Variants in NSD1 observed in about 807,000 individuals in gnomAD.
The protein encoded by NSD1 is histone-lysine N-methyltransferase, H3 lysine-36 specific.
In NSD1, 26 loss-of-function variants were observed where a neutral mutation model predicts 242.7. The observed-to-expected ratio is 0.11, with a 90% CI of 0.08 to 0.15. The LOEUF (loss-of-function observed/expected upper bound fraction) is 0.15. NSD1 is among the 10% of genes least tolerant of loss of function. The pLI is 1.00. For synonymous variants in NSD1, 1,106 were observed against 1,178.1 expected (o/e 0.94, Z 1.25); for missense variants, 2,495 against 3,272.8 (o/e 0.76, Z 5.80).
At position 177,216,750 on chromosome 5, in the gene NSD1, G is replaced by A. The variant is rs1429377201; in HGVS notation, c.3796+4555G>A. 4.0e-5 allele frequency among the ~76,000 whole-genome samples: 6 copies of A among 148,724 alleles called. No individual in the cohort carries two copies. In the East Asian group the frequency reaches 1.2e-3, roughly 29 times the overall value. ...TTGCCCAGGCTGTTCTTGAATTCCT[G>A]GGCTCAAGTGATCCTCCTGCCTCAG... is the stretch of plus-strand genomic sequence containing the variant. On this transcript the variant is annotated intron_variant, in intron 5 of 22. Coordinates refer to ENST00000439151, the MANE Select transcript of NSD1 (RefSeq NM_022455.5).
chr5:177,254,547 G>GC (rs916422647), intron 12 of NSD1, among the ~76,000 whole-genome samples: 79 of 152,146 alleles, frequency 5.2e-4, no homozygotes, highest in Admixed American at 1.6e-3. Context: ...TACCAGGCGT[G>GC]CACCACCATG....
At chr5:177,202,600 A>G (rs1009666436) in intron 3 of NSD1, among the ~76,000 whole-genome samples, 1 of 152,032 alleles carries the variant, frequency 6.6e-6, no homozygotes, top group African/African-American at 2.4e-5. Context: ...GCTGGTCTCG[A>G]ACTCCTGGGC....
chr5:177,256,942 G>T lies in NSD1; in HGVS notation c.4766-9G>T, dbSNP rs747358179. The T allele has an allele frequency of 1.9e-6, 3 of 1,610,842 alleles. No homozygotes were observed. In the Admixed American group the frequency reaches 5.0e-5, roughly 27 times the overall value. ...ATTCTTACTAATTTATCTTCTTTTG[G>T]CTTCTCAGGAATCCATACCTGTTTT... is the stretch of plus-strand genomic sequence containing the variant. On this transcript the variant is annotated splice_polypyrimidine_tract_variant and intron_variant, in intron 12 of 22. Transcript: ENST00000439151.
At chr5:177,175,813 T>A (rs1760144709) in intron 2 of NSD1, among the ~76,000 whole-genome samples, 1 of 152,206 alleles carries the variant, frequency 6.6e-6, no homozygotes, top group Admixed American at 6.6e-5. Context: ...AAGTGATAGA[T>A]ACATCCTGTT....
intron 2 of NSD1, among the ~76,000 whole-genome samples, chr5:177,152,734 G>C (rs1757829810): frequency 6.6e-6 from 1 of 151,664 alleles, no homozygotes; most frequent in African/African-American, 2.4e-5. Context: ...AAAGTGCTGG[G>C]ATTACAGGCG....
At chr5:177,217,663 ATTCT>A (rs1211447761) in intron 5 of NSD1, among the ~76,000 whole-genome samples, 2 of 124,682 alleles carry the variant, frequency 1.6e-5, no homozygotes, top group African/African-American at 6.8e-5. Flanking sequence ...ACAGCGTCAC[ATTCT>A]TTTTTTTTTT....
intron 2 of NSD1, among the ~76,000 whole-genome samples, chr5:177,159,054 A>ATATAT (rs1562132770): frequency 2.3e-5 from 3 of 130,846 alleles, no homozygotes; most frequent in African/African-American, 1.1e-4. Context: ...TATATGAATG[A>ATATAT]ATGAATGAGA....
Position 177,242,758 on chromosome 5 carries a change from A to G in NSD1, c.4303-1437A>G, listed in dbSNP as rs554086841. 2.0e-5 allele frequency among the ~76,000 whole-genome samples: 3 copies of G among 152,118 alleles called. No individual in the cohort carries two copies. In the East Asian group the frequency reaches 5.8e-4, roughly 29 times the overall value. The stretch of plus-strand genomic sequence containing the variant: ...TAGTCGGGCTGGTCTCGAACTCCCG[A>G]CCTCAGGTGATCCGCCTGCCTCGGC... On this transcript the variant is annotated intron_variant, in intron 8 of 22. Transcript: ENST00000439151.
chr5:177,185,892 T>G (rs1324686740), intron 2 of NSD1, among the ~76,000 whole-genome samples: 5 of 81,578 alleles, frequency 6.1e-5, no homozygotes, highest in Non-Finnish European at 1.0e-4. Context: ...ATATAATATA[T>G]TTATATATTT....
In NSD1 at chr5:177,134,575, T is replaced by G. The variant is rs930471146; in HGVS notation, c.-17-512T>G. Among the ~76,000 whole-genome samples, 3 of 152,178 alleles carry G rather than the reference T, an allele frequency of 2.0e-5. No homozygotes were observed. The highest frequency in any genetic ancestry group is 7.2e-5 in the African/African-American group (3 of 41,468). On this transcript the variant is annotated intron_variant, in intron 1 of 22. Coordinates refer to ENST00000439151, the MANE Select transcript of NSD1 (RefSeq NM_022455.5). The surrounding 1 kb of genome is among the most constrained non-coding windows in gnomAD (Gnocchi z 4.2). ...CGCCTCGGCCGGCTCGCCTGCGGCC[T>G]GCGCACCGCCGCTGCAAAGGCTCCG...
At chr5:177,180,928 G>A (rs562891322) in intron 2 of NSD1, among the ~76,000 whole-genome samples, 5 of 151,836 alleles carry the variant, frequency 3.3e-5, no homozygotes, top group South Asian at 2.1e-4. Flanking sequence ...TGATCCACCC[G>A]CCTCGGCCTC....
intron 12 of NSD1, among the ~76,000 whole-genome samples, chr5:177,254,958 TTAG>T (rs2149909346): frequency 6.6e-6 from 1 of 152,282 alleles, no homozygotes; most frequent in East Asian, 1.9e-4. Context: ...GAGTCACTTA[TTAG>T]TGCTCTTGGC....
chr5:177,245,554 A>T (rs1766209889), intron 9 of NSD1, among the ~76,000 whole-genome samples: 1 of 152,124 alleles, frequency 6.6e-6, no homozygotes, highest in South Asian at 2.1e-4. Context: ...AATACCTCTT[A>T]GATTCCTCTT....
intron 12 of NSD1, 65 bp downstream of exon 12, chr5:177,251,918 C>T (rs878873724): frequency 1.8e-5 from 28 of 1,599,184 alleles, no homozygotes; most frequent in Non-Finnish European, 2.2e-5. Flanking sequence ...TCAGGAAAGA[C>T]ATTTATTGGA....
chr5:177,177,418 G>C (rs1760296978), intron 2 of NSD1, among the ~76,000 whole-genome samples: 1 of 152,098 alleles, frequency 6.6e-6, no homozygotes, highest in Non-Finnish European at 1.5e-5. Context: ...GCTGAGGCAG[G>C]AGAATCGCTT....
intron 2 of NSD1, among the ~76,000 whole-genome samples, chr5:177,176,137 AAGTGC>A (rs1317331525): frequency 7.2e-5 from 11 of 152,194 alleles, no homozygotes; most frequent in Non-Finnish European, 1.3e-4. Context: ...CGGCCTCCCA[AAGTGC>A]TGGGATTGCA....
chr5:177,264,661 C>CA, intron 14 of NSD1: 1 of 466,896 alleles, frequency 2.1e-6, no homozygotes, highest in East Asian at 4.7e-5. Context: ...CTGGCCCCAA[C>CA]AAAAACAAAT....
At position 177,133,936 on chromosome 5, in the gene NSD1, A is replaced by C. The variant is rs1399906214; in HGVS notation, c.-34A>C. 8.8e-6 allele frequency: 1 copy of C among 113,278 alleles called. No homozygotes were observed. The highest frequency in any genetic ancestry group is 1.8e-5 in the Non-Finnish European group (1 of 54,364). 7.0% of individuals were successfully genotyped at this position (113,278 alleles called of 1,614,324 possible). ...ACCCCCTCCCCCCAGCTGGCCCGGG[A>C]GGGGGCGCGGGGCACGGTAACTAGT... is the stretch of plus-strand genomic sequence containing the variant. On this transcript the variant is annotated 5_prime_UTR_variant, in exon 1 of 23. Coordinates refer to ENST00000439151, the MANE Select transcript of NSD1 (RefSeq NM_022455.5). The surrounding 1 kb of genome is among the most constrained non-coding windows in gnomAD (Gnocchi z 6.2).
chr5:177,132,432 C>T (rs1258911322), upstream of NSD1, among the ~76,000 whole-genome samples: 4 of 151,652 alleles, frequency 2.6e-5, no homozygotes, highest in East Asian at 1.9e-4. The surrounding 1 kb of genome is among the most constrained non-coding windows in gnomAD (Gnocchi z 7.5). Context: ...AGCCCCCGTG[C>T]CAGGCCCAGA....
Sources: gnomAD v4.1 joint callset for allele counts (sites outside exome capture counted in the v4.1 genomes callset) on GRCh38, gnomAD v4.1.1 for gene constraint, Gnocchi (gnomAD v3.1) non-coding constraint, MANE v1.5 for transcripts, NCBI Gene and HGNC (gene_info 2026-07-23, HGNC 2026-07-21) for gene names.